TEAD3: variants seen among roughly 807,000 people sequenced by gnomAD.
TEAD3 encodes the protein TEA domain transcription factor 3, also known as transcriptional enhancer factor TEF-5.
In TEAD3, 15 loss-of-function variants were observed where a neutral mutation model predicts 55.6. The observed-to-expected ratio is 0.27, with a 90% CI of 0.18 to 0.42. The LOEUF (loss-of-function observed/expected upper bound fraction) is 0.42. Among genes scored for constraint, TEAD3 ranks in the 10% least tolerant of loss-of-function variants. The probability of loss-of-function intolerance (pLI) is 1.00; values close to 1 mark genes in which losing one functional copy is unlikely to be tolerated. For missense variants in TEAD3, 407 were observed against 576.8 expected, an observed-to-expected ratio of 0.71 and a Z score of 3.01; for synonymous variants, 210 against 232.2, an observed-to-expected ratio of 0.90 and a Z score of 0.87.
At chr6:35,477,847 T>C (rs948667187) in intron 7 of TEAD3, among the ~76,000 whole-genome samples, 9 of 152,026 alleles carry the variant, frequency 5.9e-5, no homozygotes, top group Admixed American at 4.6e-4. Context: ...GCTTTTTTTT[T>C]TCTTTTTTCA....
At chr6:35,494,516 C>T (rs927681297) in intron 1 of TEAD3, among the ~76,000 whole-genome samples, 1 of 152,190 alleles carries the variant, frequency 6.6e-6, no homozygotes, top group African/African-American at 2.4e-5. Context: ...GACCTGCTGA[C>T]CTCCCCAGCT....
chr6:35,474,921 T>C, exon 13 of TEAD3: 2 of 773,950 alleles, frequency 2.6e-6, no homozygotes, highest in African/African-American at 1.8e-5. Flanking sequence ...GGAGGCCTCC[T>C]GGGTCCTGGG....
At chr6:35,482,731 G>A (rs186567203) in intron 3 of TEAD3, among the ~76,000 whole-genome samples, 88 of 152,122 alleles carry the variant, frequency 5.8e-4, no homozygotes, top group Admixed American at 5.4e-3. Flanking sequence ...GGCCAACATC[G>A]CGAGACCCCA....
Position 35,485,739 on chromosome 6 carries a change from G to A in TEAD3, c.202+722C>T, listed in dbSNP as rs1254603750. ...TGGGGCTGGGTGGGCGTGGCCAAGG[G>A]ACACGGAGCGGACCTGATCCCTTCC... is the stretch of plus-strand genomic sequence containing the variant. On this transcript the variant is annotated intron_variant, in intron 2 of 12. Transcript: ENST00000639578. The surrounding 1 kb of genome is among the most constrained non-coding windows in gnomAD (Gnocchi z 4.3). 6.6e-6 allele frequency among the ~76,000 whole-genome samples: 1 copy of A among 152,220 alleles called. No homozygotes were observed. The highest frequency in any genetic ancestry group is 1.9e-4 in the East Asian group (1 of 5,174).
chr6:35,476,285 A>G lies in TEAD3; in HGVS notation c.726+17T>C. 6.2e-7 allele frequency: 1 copy of G among 1,609,860 alleles called. No homozygotes were observed. Among genetic ancestry groups the G allele is most frequent in the Non-Finnish European group, 8.5e-7 (1 of 1,178,996 alleles). On this transcript the variant is annotated intron_variant, in intron 9 of 12. Coordinates refer to ENST00000639578, the Ensembl canonical transcript of TEAD3. ...CACAATTGTGCAAAGCCTCACCCTC[A>G]CCCCCAAACACGTTACCGTGTCAGG...
chr6:35,479,533 G>A (rs778254298), intron 4 of TEAD3, among the ~76,000 whole-genome samples: 13 of 152,234 alleles, frequency 8.5e-5, no homozygotes, highest in Non-Finnish European at 1.6e-4. Flanking sequence ...ACAAGCTGGT[G>A]CCCTCTGGGT....
At chr6:35,495,885 A>C (rs1262845296) in intron 1 of TEAD3, among the ~76,000 whole-genome samples, 3 of 152,138 alleles carry the variant, frequency 2.0e-5, no homozygotes, top group Non-Finnish European at 4.4e-5. Context: ...TTCTGCCCCT[A>C]CCTGGAAAGA....
intron 7 of TEAD3, 23 bp downstream of exon 7, chr6:35,478,252 G>GGATGAT (rs745344051): frequency 1.9e-6 from 3 of 1,612,478 alleles, no homozygotes; most frequent in Admixed American, 3.3e-5. Flanking sequence ...AGAGGGCGTG[G>GGATGAT]GATGATGAGC....
chr6:35,495,044 G>T (rs1768611371), intron 1 of TEAD3, among the ~76,000 whole-genome samples: 1 of 152,142 alleles, frequency 6.6e-6, no homozygotes, highest in Non-Finnish European at 1.5e-5. Flanking sequence ...ACAGACTCTG[G>T]GAGGAGCTCA....
downstream of TEAD3, chr6:35,474,047 CCCA>C (rs1768090061): frequency 6.6e-6 from 1 of 152,150 alleles, no homozygotes. Context: ...GGGAGCAGTG[CCCA>C]CCAAGGGTTT....
rs2150917852 is a variant in TEAD3 at position 35,491,500 on chromosome 6, C to T, written c.-49-4789G>A. 6.6e-6 allele frequency among the ~76,000 whole-genome samples: 1 copy of T among 152,230 alleles called. No homozygotes were observed. The highest frequency in any genetic ancestry group is 1.9e-4 in the East Asian group (1 of 5,176). Reference sequence around the variant, plus strand: ...AGGGAGTGACAAGGGAGGCCACTGCCAGGGGCTGGGGCTGGCCACCATCCA... The same window carrying T: ...AGGGAGTGACAAGGGAGGCCACTGCTAGGGGCTGGGGCTGGCCACCATCCA... On this transcript the variant is annotated intron_variant, in intron 1 of 12. Coordinates refer to ENST00000639578, the Ensembl canonical transcript of TEAD3. The surrounding 1 kb of genome is among the most constrained non-coding windows in gnomAD (Gnocchi z 4.4).
chr6:35,476,542 G>C, intron 8 of TEAD3, 107 bp from the exon 9 acceptor site: 1 of 1,419,162 alleles, frequency 7.0e-7, no homozygotes, highest in Non-Finnish European at 9.7e-7. Context: ...AACATGAGTT[G>C]GATTTTGACT....
rs1768355247 is a variant in TEAD3, at chr6:35,485,463, C to T, written c.203-839G>A. The stretch of plus-strand genomic sequence containing the variant: ...GCATGGTCAAGGTGTACACCTCTAC[C>T]CCCAAATCCAGGCTCTCTGCCCTCC... On this transcript the variant is annotated intron_variant, in intron 2 of 12. Transcript: ENST00000639578. The surrounding 1 kb of genome is among the most constrained non-coding windows in gnomAD (Gnocchi z 4.3). Among the ~76,000 whole-genome samples, 1 of 152,192 alleles carries T rather than the reference C, an allele frequency of 6.6e-6. No individual in the cohort carries two copies. Among genetic ancestry groups the T allele is most frequent in the Non-Finnish European group, 1.5e-5 (1 of 68,020 alleles).
rs777123743 is a variant in TEAD3 at position 35,475,706 on chromosome 6, C to T, written c.901G>A (p.Ala301Thr). 8 of 1,589,236 alleles carry T rather than the reference C, an allele frequency of 5.0e-6. No individual in the cohort carries two copies. Among genetic ancestry groups the T allele is most frequent in the East Asian group, 4.5e-5 (2 of 44,552 alleles). ...TCCTGGATGGTGCTGTTGAGGTCGG[C>T]CTGGGCATGGGGGTGGGGGGTGTTA... The change falls in exon 11 of 13, where the codon GCC (alanine) becomes ACC (threonine). Residue 301 changes from alanine (A) to threonine (T), a missense_variant and splice_region_variant. Physicochemically the swap from Ala to Thr is moderately conservative, Grantham distance 58 (BLOSUM62 0). Transcript: ENST00000639578. The surrounding 1 kb of genome is among the most constrained non-coding windows in gnomAD (Gnocchi z 5.4).
In TEAD3 at chr6:35,485,854, G is replaced by T. The variant is rs550741928; in HGVS notation, c.202+607C>A. Among the ~76,000 whole-genome samples, 7 of 152,284 alleles carry T rather than the reference G, an allele frequency of 4.6e-5. No individual in the cohort carries two copies. The East Asian group carries it at 1.4e-3, about 30-fold the overall frequency. ...GGGAGCTGGCCAGGAACCAGGCCCA[G>T]AAGGGTCGAGTTATCCCAAAAATGC... On this transcript the variant is annotated intron_variant, in intron 2 of 12. Transcript: ENST00000639578. The surrounding 1 kb of genome is among the most constrained non-coding windows in gnomAD (Gnocchi z 4.3).
chr6:35,489,855 G>A (rs1422710366), intron 1 of TEAD3, among the ~76,000 whole-genome samples: 1 of 152,108 alleles, frequency 6.6e-6, no homozygotes, highest in Non-Finnish European at 1.5e-5. Context: ...ACAACATAGT[G>A]AAAACCTTGT....
intron 1 of TEAD3, among the ~76,000 whole-genome samples, chr6:35,490,378 G>A (rs758630700): frequency 3.9e-5 from 6 of 152,124 alleles, no homozygotes; most frequent in Non-Finnish European, 7.4e-5. Flanking sequence ...GACGTGTCAA[G>A]GAGAGAATAG....
chr6:35,490,585 G>A (rs2150917353), intron 1 of TEAD3, among the ~76,000 whole-genome samples: 1 of 152,342 alleles, frequency 6.6e-6, no homozygotes, highest in African/African-American at 2.4e-5. Context: ...CCCAAGCTGA[G>A]GCACACACAT....
chr6:35,486,219 C>T lies in TEAD3; in HGVS notation c.202+242G>A, dbSNP rs1459088064. Among the ~76,000 whole-genome samples the T allele has an allele frequency of 6.6e-6, 1 of 152,228 alleles. No homozygotes were observed. Among genetic ancestry groups the T allele is most frequent in the Non-Finnish European group, 1.5e-5 (1 of 68,042 alleles). ...CTGAGTCACCTCGAAACCTCCAGGC[C>T]GGTAGCGGGGAGGAGAGGAGGAGCA... On this transcript the variant is annotated intron_variant, in intron 2 of 12. Coordinates refer to ENST00000639578, the Ensembl canonical transcript of TEAD3. This position sits in a 1 kb window ranked among gnomAD's most constrained non-coding sequence, Gnocchi z 7.3.
Sources: allele counts gnomAD v4.1 joint callset (sites outside exome capture counted in the v4.1 genomes callset), GRCh38; gene constraint gnomAD v4.1.1; non-coding constraint Gnocchi (gnomAD v3.1); transcripts MANE v1.5; gene names NCBI Gene and HGNC (gene_info 2026-07-23, HGNC 2026-07-21).